IMMP2L: variants seen among roughly 807,000 people sequenced by gnomAD.
IMMP2L encodes the protein mitochondrial inner membrane protease subunit 2.
In IMMP2L, 18 loss-of-function variants were observed where a neutral mutation model predicts 19.3. The observed-to-expected ratio is 0.93, with a 90% CI of 0.64 to 1.38. IMMP2L has a LOEUF of 1.38. IMMP2L is among the 40% of genes most tolerant of loss of function. The pLI is 0.00. For missense variants in IMMP2L, 233 were observed against 218.2 expected (o/e 1.07, Z -0.43); for synonymous variants, 76 against 73.0 (o/e 1.04, Z -0.21).
intron 5 of IMMP2L, among the ~76,000 whole-genome samples, chr7:110,785,207 T>C (rs1440172281): frequency 5.9e-5 from 9 of 151,982 alleles, no homozygotes; most frequent in Non-Finnish European, 2.9e-5. Flanking sequence ...AAAATAAATG[T>C]GTTTTAGCCA....
chr7:110,696,343 C>T (rs993652005), intron 5 of IMMP2L, among the ~76,000 whole-genome samples: 1 of 151,766 alleles, frequency 6.6e-6, no homozygotes, highest in African/African-American at 2.4e-5. Context: ...AAATGGACTA[C>T]CAGCAGGGAG....
intron 3 of IMMP2L, among the ~76,000 whole-genome samples, chr7:111,362,329 A>G (rs1829338237): frequency 1.3e-5 from 2 of 152,010 alleles, no homozygotes; most frequent in South Asian, 2.1e-4. Context: ...ATTGTGTTTA[A>G]TTTTCTAAAA....
chr7:110,950,858 A>ATATATGTATG (rs1554470741), intron 4 of IMMP2L, among the ~76,000 whole-genome samples: 2 of 136,298 alleles, frequency 1.5e-5, no homozygotes, highest in African/African-American at 5.8e-5. Flanking sequence ...ATATATATAT[A>ATATATGTATG]TATATATATA....
At chr7:111,485,171 C>A (rs1004146802) in intron 3 of IMMP2L, among the ~76,000 whole-genome samples, 2 of 152,056 alleles carry the variant, frequency 1.3e-5, no homozygotes, top group African/African-American at 4.8e-5. Context: ...TATTGCTTCA[C>A]GATCATCTGT....
At chr7:111,476,048 T>C (rs1339019285) in intron 3 of IMMP2L, among the ~76,000 whole-genome samples, 1 of 152,174 alleles carries the variant, frequency 6.6e-6, no homozygotes, top group Non-Finnish European at 1.5e-5. Flanking sequence ...CAATTCCATT[T>C]TGATCCCTAA....
chr7:111,221,229 A>G (rs1441637431), intron 3 of IMMP2L, among the ~76,000 whole-genome samples: 2 of 151,990 alleles, frequency 1.3e-5, no homozygotes, highest in African/African-American at 4.8e-5. Context: ...ATTACCATTA[A>G]CATAAAAACA....
At chr7:110,913,262 A>G (rs546112291) in intron 4 of IMMP2L, among the ~76,000 whole-genome samples, 1 of 152,288 alleles carries the variant, frequency 6.6e-6, no homozygotes, top group Admixed American at 6.5e-5. Context: ...TAAAAATATG[A>G]CAATGAGATT....
chr7:111,125,527 C>T (rs1363774813), intron 3 of IMMP2L: 1 of 164,650 alleles, frequency 6.1e-6, no homozygotes, highest in Non-Finnish European at 1.5e-5. Context: ...ATTTGGAATG[C>T]TAAGAGTAAG....
At chr7:111,301,620 C>T (rs1822248494) in intron 3 of IMMP2L, among the ~76,000 whole-genome samples, 2 of 152,076 alleles carry the variant, frequency 1.3e-5, no homozygotes, top group Non-Finnish European at 2.9e-5. Flanking sequence ...CCATTTTGAG[C>T]TAATTTTTGT....
chr7:111,015,300 T>A (rs1302204271), intron 3 of IMMP2L, among the ~76,000 whole-genome samples: 1 of 152,100 alleles, frequency 6.6e-6, no homozygotes, highest in Non-Finnish European at 1.5e-5. Context: ...AATAAGTCAG[T>A]CACAAGAAGA....
intron 5 of IMMP2L, among the ~76,000 whole-genome samples, chr7:110,881,267 T>G (rs1389579622): frequency 6.6e-6 from 1 of 152,174 alleles, no homozygotes; most frequent in Non-Finnish European, 1.5e-5. Context: ...TAAGTGGCTT[T>G]GATCTTTTTA....
chr7:110,982,213 C>T (rs978111030), intron 3 of IMMP2L, among the ~76,000 whole-genome samples: 2 of 152,030 alleles, frequency 1.3e-5, no homozygotes, highest in East Asian at 3.9e-4. Flanking sequence ...ACATAGATAC[C>T]TTTGAGCTGC....
At chr7:111,466,742 A>G (rs536460532) in intron 3 of IMMP2L, among the ~76,000 whole-genome samples, 1 of 152,288 alleles carries the variant, frequency 6.6e-6, no homozygotes, top group East Asian at 1.9e-4. Context: ...AGCAGATCAA[A>G]CATATTTGGG....
At chr7:111,401,559 T>C (rs1044695450) in intron 3 of IMMP2L, among the ~76,000 whole-genome samples, 1 of 152,170 alleles carries the variant, frequency 6.6e-6, no homozygotes, top group African/African-American at 2.4e-5. Flanking sequence ...TAACCAGTCA[T>C]GTCCTTTCCA....
At chr7:111,072,568 G>A (rs985497081) in intron 3 of IMMP2L, among the ~76,000 whole-genome samples, 9 of 151,404 alleles carry the variant, frequency 5.9e-5, no homozygotes, top group Non-Finnish European at 1.3e-4. Context: ...AAGTCAGCAT[G>A]ACAAAAGACA....
chr7:111,407,398 C>T (rs1198699679), intron 3 of IMMP2L, among the ~76,000 whole-genome samples: 1 of 151,870 alleles, frequency 6.6e-6, no homozygotes, highest in Non-Finnish European at 1.5e-5. Context: ...AAAAGCAACA[C>T]AACATAAAAG....
At chr7:111,375,198 A>G (rs1025893455) in intron 3 of IMMP2L, among the ~76,000 whole-genome samples, 3 of 152,072 alleles carry the variant, frequency 2.0e-5, no homozygotes, top group African/African-American at 7.2e-5. Context: ...AGGCTTGTTG[A>G]GTGTTGCTAC....
chr7:111,025,201 A>G (rs113842083), intron 3 of IMMP2L, among the ~76,000 whole-genome samples: 1 of 152,214 alleles, frequency 6.6e-6, no homozygotes. Context: ...TATACGCACC[A>G]GGCAGGTGAT....
chr7:110,720,407 A>C (rs1795495129), intron 5 of IMMP2L, among the ~76,000 whole-genome samples: 2 of 152,180 alleles, frequency 1.3e-5, no homozygotes, highest in South Asian at 4.1e-4. Flanking sequence ...CGAAAGAAAT[A>C]AAAGAGGACT....
Sources: allele counts gnomAD v4.1 joint callset (sites outside exome capture counted in the v4.1 genomes callset), GRCh38; gene constraint gnomAD v4.1.1; transcripts MANE v1.5; gene names NCBI Gene and HGNC (gene_info 2026-07-23, HGNC 2026-07-21).